Variants in MTHFD1L observed in about 807,000 individuals in gnomAD.
MTHFD1L encodes monofunctional C1-tetrahydrofolate synthase, mitochondrial.
MTHFD1L carries 81 observed loss-of-function variants against 119.5 expected under a neutral mutation model. That is an observed-to-expected ratio of 0.68 (90% CI 0.57 to 0.82). The LOEUF (loss-of-function observed/expected upper bound fraction) is 0.82, where lower values mean the gene tolerates loss of function less well. Among genes scored for constraint, MTHFD1L ranks in the 40% least tolerant of loss-of-function variants. The pLI is 0.00. For synonymous variants in MTHFD1L, 430 were observed against 475.2 expected (o/e 0.90, Z 1.24); for missense variants, 1,125 against 1,253.4 (o/e 0.90, Z 1.55).
chr6:150,881,452 A>G lies in MTHFD1L; in HGVS notation c.418-1310A>G, dbSNP rs536299754. 2.6e-5 allele frequency among the ~76,000 whole-genome samples: 4 copies of G among 152,258 alleles called. No individual in the cohort carries two copies. The South Asian group carries it at 6.2e-4, about 24-fold the overall frequency. On this transcript the variant is annotated intron_variant, in intron 4 of 27. Coordinates refer to ENST00000367321, the MANE Select transcript of MTHFD1L (RefSeq NM_015440.5). ...GAAAATTCTCATAGAGTGAATTTGT[A>G]TGGTGTTATATTGAAAAAGAGTAGG...
intron 19 of MTHFD1L, among the ~76,000 whole-genome samples, chr6:150,965,899 G>T (rs527348566): frequency 1.3e-5 from 2 of 152,274 alleles, no homozygotes; most frequent in East Asian, 3.9e-4. Flanking sequence ...TGGTGGTAAG[G>T]TCTGGAGAAG....
chr6:150,950,362 G>C (rs921290115), intron 16 of MTHFD1L, among the ~76,000 whole-genome samples: 1 of 152,148 alleles, frequency 6.6e-6, no homozygotes, highest in African/African-American at 2.4e-5. Flanking sequence ...CCCAGGTCTC[G>C]TCCCTTCAGG....
chr6:150,934,881 G>GTCT (rs1791783284), intron 11 of MTHFD1L: 1 of 1,483,060 alleles, frequency 6.7e-7, no homozygotes, highest in Non-Finnish European at 9.0e-7. Flanking sequence ...ATCGGGAGCA[G>GTCT]TCTTATAGCT....
intron 18 of MTHFD1L, 22 bp from the exon 19 acceptor site, chr6:150,964,947 A>G: frequency 5.6e-6 from 9 of 1,610,412 alleles, no homozygotes; most frequent in Non-Finnish European, 7.6e-6. Context: ...TCAGGAATCT[A>G]ATGTTTTTCT....
chr6:151,004,549 C>T (rs1247717406), intron 20 of MTHFD1L, among the ~76,000 whole-genome samples: 1 of 152,098 alleles, frequency 6.6e-6, no homozygotes, highest in Admixed American at 6.5e-5. Flanking sequence ...CAACTCTGGC[C>T]GCACCCGTGG....
rs535772811 is a variant in MTHFD1L, at chr6:150,930,168, C to T, written c.1256+3873C>T. Among the ~76,000 whole-genome samples the T allele has an allele frequency of 9.1e-3, 1,083 of 119,146 alleles. 14 individuals are homozygous for T. Among genetic ancestry groups the T allele is most frequent in the African/African-American group, 0.044 (1,039 of 23,772 alleles). 78.2% of individuals were successfully genotyped at this position (119,146 alleles called of 152,430 possible). ...GCCTATAACCCAATTACTCTGGAGA[C>T]TGTGGGTGGATCACTTGAGGCCAGG... is the stretch of plus-strand genomic sequence containing the variant. On this transcript the variant is annotated intron_variant, in intron 11 of 27. Coordinates refer to ENST00000367321, the MANE Select transcript of MTHFD1L (RefSeq NM_015440.5).
Position 150,934,964 on chromosome 6 carries a change from G to A in MTHFD1L, c.1257-1840G>A, listed in dbSNP as rs1562409196. On this transcript the variant is annotated intron_variant, in intron 11 of 27. Transcript: ENST00000367321. ...CAATTTGGGACATTTATTTGCACCT[G>A]GAAATGGGGAATGGGCTATCAGACC... The A allele has an allele frequency of 1.5e-5, 23 of 1,528,966 alleles. 1 individual carries two copies. The highest frequency in any genetic ancestry group is 4.5e-5 in the Admixed American group (2 of 44,672). The allele number at this position is 1,528,966 out of a possible 1,614,324, so 94.7% of individuals were successfully genotyped here.
At chr6:150,933,105 G>A (rs754970538) in intron 11 of MTHFD1L, among the ~76,000 whole-genome samples, 5 of 152,000 alleles carry the variant, frequency 3.3e-5, no homozygotes, top group Non-Finnish European at 5.9e-5. Context: ...TGATTTTCCC[G>A]AACTGTATTA....
At chr6:150,970,814 G>A (rs1797904427) in intron 19 of MTHFD1L, among the ~76,000 whole-genome samples, 1 of 152,160 alleles carries the variant, frequency 6.6e-6, no homozygotes, top group South Asian at 2.1e-4. Flanking sequence ...GTGTGTACCT[G>A]TGTTTGGAAG....
In MTHFD1L at chr6:151,009,827, G is replaced by A. The variant is rs767011130; in HGVS notation, c.2134G>A (p.Ala712Thr). ...VGEEGFVVTEAGFGADIGMEK... is the reference protein window; with the variant it reads ...VGEEGFVVTETGFGADIGMEK... ...CACTTGCTTCCCCACAGTGACCGAAGCTGGCTTTGGTGCTGACATCGGAAT... is the reference window on the plus strand; with the variant it reads ...CACTTGCTTCCCCACAGTGACCGAAACTGGCTTTGGTGCTGACATCGGAAT... Residue 712 changes from alanine to threonine, a missense_variant, in exon 21 of 28, where the codon GCT (alanine) becomes ACT (threonine). Physicochemically the swap from Ala to Thr is moderately conservative, Grantham distance 58. Transcript: ENST00000367321. The A allele has an allele frequency of 8.7e-6, 14 of 1,613,674 alleles. No homozygotes were observed. The highest frequency in any genetic ancestry group is 1.1e-5 in the Non-Finnish European group (13 of 1,179,892).
chr6:151,015,099 C>A, intron 23 of MTHFD1L, 119 bp downstream of exon 23: 1 of 736,622 alleles, frequency 1.4e-6, no homozygotes, highest in Non-Finnish European at 2.1e-6. Context: ...CAGAAATACC[C>A]AGTTCTTTCT....
At chr6:150,868,283 A>G (rs1778775084) in intron 1 of MTHFD1L, among the ~76,000 whole-genome samples, 1 of 152,088 alleles carries the variant, frequency 6.6e-6, no homozygotes, top group Admixed American at 6.5e-5. Flanking sequence ...CATGCAAAAT[A>G]CATAGCCCAG....
At chr6:150,867,215 G>T (rs1778536263) in intron 1 of MTHFD1L, among the ~76,000 whole-genome samples, 4 of 152,112 alleles carry the variant, frequency 2.6e-5, no homozygotes, top group African/African-American at 9.7e-5. Context: ...TTTTAGAAAT[G>T]GAGTCTCGCT....
At chr6:150,971,815 C>G (rs1431665062) in intron 19 of MTHFD1L, 132 bp from the exon 20 acceptor site, 13 of 695,054 alleles carry the variant, frequency 1.9e-5, no homozygotes, top group Non-Finnish European at 2.9e-5. Flanking sequence ...TTTTGACTGT[C>G]TTTGAAATAT....
chr6:151,003,408 T>C (rs2128469180), intron 20 of MTHFD1L, among the ~76,000 whole-genome samples: 1 of 152,198 alleles, frequency 6.6e-6, no homozygotes, highest in East Asian at 1.9e-4. Context: ...GGTGGGTGCC[T>C]GTAGTCCCAC....
chr6:151,043,725 T>C (rs1049205606), intron 26 of MTHFD1L, among the ~76,000 whole-genome samples: 2 of 152,148 alleles, frequency 1.3e-5, no homozygotes, highest in African/African-American at 4.8e-5. Context: ...CTGGCAAACA[T>C]GGGACATAGA....
At position 151,098,426 on chromosome 6, in the gene MTHFD1L, G is replaced by A. The variant is rs185842204; in HGVS notation, c.*32-3100G>A. ...AAATTGCTCATCACCATTGTGTTCC[G>A]AGAAAAGGGGCGCCAAGGCATCACC... On this transcript the variant is annotated intron_variant, in intron 27 of 27. Transcript: ENST00000367321. Among the ~76,000 whole-genome samples, 15 of 152,202 alleles carry A rather than the reference G, an allele frequency of 9.9e-5. No individual in the cohort carries two copies. In the East Asian group the frequency reaches 2.3e-3, roughly 24 times the overall value.
chr6:150,962,914 C>CTTTTTTTTTTTTTTTTT (rs4035893), intron 18 of MTHFD1L, among the ~76,000 whole-genome samples: 11 of 114,144 alleles, frequency 9.6e-5, no homozygotes, highest in Non-Finnish European at 1.4e-4. Context: ...CTTTTCTTTT[C>CTTTTTTTTTTTTTTTTT]TTTTTTTTTT....
At position 151,076,649 on chromosome 6, in the gene MTHFD1L, T is replaced by TAA. The variant is rs36053787; in HGVS notation, c.2848-15801_2848-15800dup. On this transcript the variant is annotated intron_variant, in intron 26 of 27. Coordinates refer to ENST00000367321, the MANE Select transcript of MTHFD1L (RefSeq NM_015440.5). Reference sequence around the variant, plus strand: ...CTGGGTGACAGAGTGATACTCTGTCTAAAAAAAAAAAAAAAAAAGACTGAC... The same window carrying TAA: ...CTGGGTGACAGAGTGATACTCTGTCTAAAAAAAAAAAAAAAAAAAAGACTGAC... Among the ~76,000 whole-genome samples, 227 of 116,830 alleles carry TAA rather than the reference T, an allele frequency of 1.9e-3. 1 individual carries two copies. Among genetic ancestry groups the TAA allele is most frequent in the African/African-American group, 6.1e-3 (190 of 31,226 alleles). The allele number at this position is 116,830 out of a possible 152,430, so 76.6% of individuals were successfully genotyped here.
Sources: gnomAD v4.1 joint callset for allele counts (sites outside exome capture counted in the v4.1 genomes callset) on GRCh38, gnomAD v4.1.1 for gene constraint, MANE v1.5 for transcripts, NCBI Gene and HGNC (gene_info 2026-07-23, HGNC 2026-07-21) for gene names.